The following SNX13 variants were observed in gnomAD, a reference collection of about 807,000 sequenced individuals.
SNX13 encodes sorting nexin-13.
SNX13 carries 45 observed loss-of-function variants against 133.6 expected under a neutral mutation model. That is an observed-to-expected ratio of 0.34 (90% confidence interval 0.27 to 0.43). SNX13 has a LOEUF of 0.43. SNX13 is among the 20% of genes least tolerant of loss of function. The probability of loss-of-function intolerance (pLI) is 1.00; values close to 1 mark genes in which losing one functional copy is unlikely to be tolerated. For synonymous variants in SNX13, 414 were observed against 373.9 expected, an observed-to-expected ratio of 1.11 and a Z score of -1.24; for missense variants, 1,032 against 1,145.1, an observed-to-expected ratio of 0.90 and a Z score of 1.43.
At chr7:17,863,180 G>A (rs1396968909) in intron 9 of SNX13, among the ~76,000 whole-genome samples, 1 of 107,706 alleles carries the variant, frequency 9.3e-6, no homozygotes, top group African/African-American at 5.0e-5. Flanking sequence ...GGAATAACTC[G>A]AATCCAGGTG....
At chr7:17,794,500 G>A (rs992446334) in intron 25 of SNX13, 2 of 563,766 alleles carry the variant, frequency 3.5e-6, no homozygotes, top group African/African-American at 1.9e-5. Flanking sequence ...AAAAGCTACT[G>A]GGAGACAATA....
intron 5 of SNX13, among the ~76,000 whole-genome samples, chr7:17,884,791 A>C (rs1034861472): frequency 6.6e-6 from 1 of 152,238 alleles, no homozygotes; most frequent in East Asian, 1.9e-4. Flanking sequence ...ACTAGCTATC[A>C]GGGAAATGCA....
intron 1 of SNX13, among the ~76,000 whole-genome samples, chr7:17,903,463 G>A (rs1384582407): frequency 6.6e-6 from 1 of 152,146 alleles, no homozygotes; most frequent in Admixed American, 6.5e-5. Context: ...AAAAACTACA[G>A]ACTTAGGAGT....
At chr7:17,838,867 G>A (rs1223965817) in intron 13 of SNX13, among the ~76,000 whole-genome samples, 1 of 151,424 alleles carries the variant, frequency 6.6e-6, no homozygotes, top group Non-Finnish European at 1.5e-5. Flanking sequence ...GATTTATCTT[G>A]GAGAATGTTT....
intron 1 of SNX13, among the ~76,000 whole-genome samples, chr7:17,928,412 A>G (rs1192667767): frequency 6.6e-6 from 1 of 152,188 alleles, no homozygotes; most frequent in Admixed American, 6.5e-5. Flanking sequence ...CAATTCTATG[A>G]CATAAGTTAT....
chr7:17,863,530 A>C (rs1171051199), intron 9 of SNX13, among the ~76,000 whole-genome samples: 1 of 152,174 alleles, frequency 6.6e-6, no homozygotes, highest in Non-Finnish European at 1.5e-5. Context: ...CCAAGAATAT[A>C]CATCTTTCCT....
In SNX13 at chr7:17,834,834, A is replaced by G. The variant is rs773500937; in HGVS notation, c.1391T>C (p.Leu464Ser). The change falls in exon 14 of 26, where the codon TTA (leucine) becomes TCA (serine). Residue 464 changes from leucine to serine, a missense_variant. Transcript: ENST00000428135. ...CAAAGTATCTGCTAATTTTGCTACT[A>G]AATAGTCATCAACAGTAACTCTTGG... is the stretch of plus-strand genomic sequence containing the variant. ...ASPRVTVDDY[L>S]VAKLADTLNH... is the part of the protein sequence containing the mutation. 2 of 1,609,410 alleles carry G rather than the reference A, an allele frequency of 1.2e-6. No individual in the cohort carries two copies. Among genetic ancestry groups the G allele is most frequent in the Admixed American group, 1.7e-5 (1 of 59,686 alleles).
At position 17,845,192 on chromosome 7, in the gene SNX13, A is replaced by G. The variant is rs573665438; in HGVS notation, c.1165+403T>C. 2.0e-5 allele frequency among the ~76,000 whole-genome samples: 3 copies of G among 152,172 alleles called. No individual in the cohort carries two copies. In the East Asian group the frequency reaches 5.8e-4, roughly 29 times the overall value. ...CACACACACACGAATATTATTCAGC[A>G]TTAAAAAGGAAGGAAATTCTCACAT... On this transcript the variant is annotated intron_variant, in intron 12 of 25. Coordinates refer to ENST00000428135, the MANE Select transcript of SNX13 (RefSeq NM_015132.5).
intron 12 of SNX13, among the ~76,000 whole-genome samples, 173 bp downstream of exon 12, chr7:17,845,422 T>C (rs992137049): frequency 6.6e-6 from 1 of 152,126 alleles, no homozygotes; most frequent in African/African-American, 2.4e-5. Flanking sequence ...AGTTTCAGTT[T>C]TGGAAGATAA....
intron 1 of SNX13, among the ~76,000 whole-genome samples, chr7:17,903,506 C>T (rs549745765): frequency 6.6e-6 from 1 of 152,274 alleles, no homozygotes; most frequent in Non-Finnish European, 1.5e-5. Flanking sequence ...TCACCTTTAC[C>T]ATTAGTTGTG....
At chr7:17,917,036 C>T (rs1326323723) in intron 1 of SNX13, among the ~76,000 whole-genome samples, 3 of 152,220 alleles carry the variant, frequency 2.0e-5, no homozygotes, top group African/African-American at 7.2e-5. Flanking sequence ...TGTGATTCAC[C>T]ATATAAACAG....
intron 20 of SNX13, 70 bp from the exon 21 acceptor site, chr7:17,803,650 G>T: frequency 7.3e-7 from 1 of 1,369,920 alleles, no homozygotes; most frequent in East Asian, 2.5e-5. Flanking sequence ...ACAAGCCTTG[G>T]AAAATATAGA....
chr7:17,854,067 G>C (rs891878785), intron 9 of SNX13, among the ~76,000 whole-genome samples: 1 of 152,102 alleles, frequency 6.6e-6, no homozygotes, highest in Non-Finnish European at 1.5e-5. Flanking sequence ...CTACAAAAAA[G>C]AATGAAGGGT....
chr7:17,818,258 C>A (rs918267835), intron 18 of SNX13, among the ~76,000 whole-genome samples: 2 of 152,132 alleles, frequency 1.3e-5, no homozygotes, highest in Admixed American at 6.6e-5. Flanking sequence ...TTTATTAGGG[C>A]AGCCCTACCA....
chr7:17,848,095 C>T (rs1023370150), intron 11 of SNX13, among the ~76,000 whole-genome samples: 1 of 152,100 alleles, frequency 6.6e-6, no homozygotes, highest in African/African-American at 2.4e-5. Context: ...CACACCACCC[C>T]ATCCTGTGCC....
At position 17,821,634 on chromosome 7, in the gene SNX13, G is replaced by A. The variant is rs780472845; in HGVS notation, c.1720C>T (p.His574Tyr). 3 of 1,613,210 alleles carry A rather than the reference G, an allele frequency of 1.9e-6. No individual in the cohort carries two copies. The highest frequency in any genetic ancestry group is 2.5e-6 in the Non-Finnish European group (3 of 1,179,460). ...YISDTGVCND[H>Y]GKTYALYAIT... ...GCATATAATGCATATGTCTTGCCATGATCATTACAAACGCCTGCCACAGCA... is the reference window on the plus strand; with the variant it reads ...GCATATAATGCATATGTCTTGCCATAATCATTACAAACGCCTGCCACAGCA... The change falls in exon 18 of 26, where the codon CAT (histidine) becomes TAT (tyrosine). Residue 574 changes from histidine to tyrosine, a missense_variant. Coordinates refer to ENST00000428135, the MANE Select transcript of SNX13 (RefSeq NM_015132.5).
At chr7:17,843,494 G>A (rs1012053898) in intron 12 of SNX13, among the ~76,000 whole-genome samples, 18 of 151,872 alleles carry the variant, frequency 1.2e-4, no homozygotes, top group Admixed American at 8.5e-4. Flanking sequence ...TGGAGATTTC[G>A]ATGCCCCACT....
intron 5 of SNX13, chr7:17,890,132 G>A (rs1796472048): frequency 1.5e-5 from 5 of 344,548 alleles, no homozygotes; most frequent in Admixed American, 4.7e-5. Flanking sequence ...CTACCAAACA[G>A]ACTTAGAAAG....
chr7:17,891,848 A>G (rs779003288), intron 3 of SNX13, among the ~76,000 whole-genome samples: 4 of 152,150 alleles, frequency 2.6e-5, no homozygotes, highest in Admixed American at 1.3e-4. Context: ...AAATTTAATC[A>G]GCAAAAATTA....
Sources: gnomAD v4.1 joint callset for allele counts (sites outside exome capture counted in the v4.1 genomes callset) on GRCh38, gnomAD v4.1.1 for gene constraint, MANE v1.5 for transcripts, NCBI Gene and HGNC (gene_info 2026-07-23, HGNC 2026-07-21) for gene names.